Variants in CARS1 observed in about 807,000 individuals in gnomAD.
The protein encoded by CARS1 is cysteinyl-tRNA synthetase 1.
CARS1 carries 48 observed loss-of-function variants against 106.2 expected under a neutral mutation model. That is an observed-to-expected ratio of 0.45 (90% CI 0.36 to 0.57). The LOEUF is 0.57. CARS1 is among the 20% of genes least tolerant of loss of function. The probability of loss-of-function intolerance (pLI) is 0.00; values close to 1 mark genes in which losing one functional copy is unlikely to be tolerated. For missense variants in CARS1, 968 were observed against 1,057.2 expected, an observed-to-expected ratio of 0.92 and a Z score of 1.17; for synonymous variants, 409 against 403.4, an observed-to-expected ratio of 1.01 and a Z score of -0.17.
intron 7 of CARS1, chr11:3,031,482 A>T (rs1852755162): frequency 6.6e-6 from 1 of 152,274 alleles, no homozygotes; most frequent in Non-Finnish European, 1.5e-5. Context: ...ACAGATCAAC[A>T]ATCAAAATGC....
intron 18 of CARS1, chr11:3,007,237 C>A (rs1849969837): frequency 6.0e-6 from 3 of 497,456 alleles, no homozygotes; most frequent in Non-Finnish European, 1.1e-5. Context: ...CAGGAGGAAG[C>A]ATAGCACACT....
rs1022344162 is a variant in CARS1 at position 3,020,081 on chromosome 11, C to A, written c.1266+139G>T. The A allele has an allele frequency of 4.6e-6, 3 of 651,272 alleles. No individual in the cohort carries two copies. The highest frequency in any genetic ancestry group is 2.5e-5 in the Admixed American group (1 of 40,152). The allele number at this position is 651,272 out of a possible 1,614,324, so 40.3% of individuals were successfully genotyped here. A position where few individuals can be genotyped will look rare whatever the true frequency, so the allele number is the denominator to read the frequency against. On this transcript the variant is annotated intron_variant, in intron 11 of 22. Transcript: ENST00000380525. This position sits in a 1 kb window ranked among gnomAD's most constrained non-coding sequence, Gnocchi z 4.6. The stretch of plus-strand genomic sequence containing the variant: ...TGTCCAGGTCCCCGGGGCCAGGCAG[C>A]CTGTGCTGCACCAGCACCAGGCTCT...
Position 3,040,061 on chromosome 11 carries a change from C to A in CARS1, c.456-130G>T, listed in dbSNP as rs1035641269. 2 of 562,242 alleles carry A rather than the reference C, an allele frequency of 3.6e-6. No individual in the cohort carries two copies. Among genetic ancestry groups the A allele is most frequent in the Admixed American group, 3.7e-5 (1 of 26,854 alleles). The allele number at this position is 562,242 out of a possible 1,614,324, so 34.8% of individuals were successfully genotyped here. Reference sequence around the variant, plus strand: ...TCTGCCATCCCTGAAACAGCAAGACCCCCCCTTCTCCTCCTCAGTCTACTC... The same window carrying A: ...TCTGCCATCCCTGAAACAGCAAGACACCCCCTTCTCCTCCTCAGTCTACTC... On this transcript the variant is annotated intron_variant, in intron 4 of 22. Transcript: ENST00000380525. The surrounding 1 kb of genome is among the most constrained non-coding windows in gnomAD (Gnocchi z 5.8).
chr11:3,032,056 C>G (rs868809174), intron 7 of CARS1, among the ~76,000 whole-genome samples: 54 of 11,550 alleles, frequency 4.7e-3, no homozygotes, highest in African/African-American at 0.017. Flanking sequence ...CCCTCCCTCC[C>G]TCCCTCCTTC....
Position 3,039,259 on chromosome 11 carries a change from C to T in CARS1, c.586G>A (p.Glu196Lys), listed in dbSNP as rs746490752. Residue 196 changes from glutamate to lysine, a missense_variant, in exon 6 of 23, where the codon GAG (glutamate) becomes AAG (lysine). Glu to Lys is a moderately conservative substitution (Grantham distance 56, BLOSUM62 1). Coordinates refer to ENST00000380525, the MANE Select transcript of CARS1 (RefSeq NM_001014437.3). The surrounding 1 kb of genome is among the most constrained non-coding windows in gnomAD (Gnocchi z 5.6). ...IKRARQNHLF[E>K]QYREKRPEAA... ...TCAGGCCTCTTCTCCCGATACTGCT[C>T]GAACAGGTGGTTCTGCCGGGCCCTC... The T allele has an allele frequency of 4.3e-6, 7 of 1,613,674 alleles. No individual in the cohort carries two copies. Among genetic ancestry groups the T allele is most frequent in the African/African-American group, 2.7e-5 (2 of 74,890 alleles).
Position 3,048,385 on chromosome 11 carries a change from A to G in CARS1, c.26-384T>C, listed in dbSNP as rs1855327460. On this transcript the variant is annotated intron_variant, in intron 1 of 22. Coordinates refer to ENST00000380525, the MANE Select transcript of CARS1 (RefSeq NM_001014437.3). The surrounding 1 kb of genome is among the most constrained non-coding windows in gnomAD (Gnocchi z 5.1). ...AGGGAAAGCAGGAACACAGTTCCAC[A>G]CCATCACAAATTACACAGTTCAGTT... 1 of 182,026 alleles carries G rather than the reference A, an allele frequency of 5.5e-6. No homozygotes were observed. Among genetic ancestry groups the G allele is most frequent in the Admixed American group, 5.6e-5 (1 of 18,012 alleles). The allele number at this position is 182,026 out of a possible 1,614,324, so 11.3% of individuals were successfully genotyped here.
chr11:3,017,348 A>C lies in CARS1; in HGVS notation c.1728-53T>G. The C allele has an allele frequency of 6.5e-7, 1 of 1,543,590 alleles. No homozygotes were observed. The highest frequency in any genetic ancestry group is 8.9e-7 in the Non-Finnish European group (1 of 1,122,418). ...AGTCAGACCTGAAAACACACCATAGAAATTCCCCATGTGGCCAGGCGCAGT... is the reference window on the plus strand; with the variant it reads ...AGTCAGACCTGAAAACACACCATAGCAATTCCCCATGTGGCCAGGCGCAGT... On this transcript the variant is annotated intron_variant, in intron 15 of 22. Coordinates refer to ENST00000380525, the MANE Select transcript of CARS1 (RefSeq NM_001014437.3). This position sits in a 1 kb window ranked among gnomAD's most constrained non-coding sequence, Gnocchi z 4.9.
At position 3,053,421 on chromosome 11, in the gene CARS1, G is replaced by A. The variant is rs977599630; in HGVS notation, c.25+3922C>T. Among the ~76,000 whole-genome samples the A allele has an allele frequency of 2.0e-5, 3 of 152,034 alleles. No individual in the cohort carries two copies. The highest frequency in any genetic ancestry group is 2.9e-5 in the Non-Finnish European group (2 of 67,986). The stretch of plus-strand genomic sequence containing the variant: ...AATTTTTGTATTTTTAGTAGAGACG[G>A]GGTTTCTACATATTGGCCAGGCTGG... On this transcript the variant is annotated intron_variant, in intron 1 of 22. Transcript: ENST00000380525. This position sits in a 1 kb window ranked among gnomAD's most constrained non-coding sequence, Gnocchi z 6.6.
chr11:3,026,954 G>A (rs541954435), intron 9 of CARS1, 157 bp from the exon 10 acceptor site: 2 of 772,020 alleles, frequency 2.6e-6, no homozygotes, highest in South Asian at 1.9e-5. Context: ...CAGCTGTTTG[G>A]ACTGAGTGGG....
At position 3,012,247 on chromosome 11, in the gene CARS1, C is replaced by T. The variant is rs886902057; in HGVS notation, c.2016G>A (p.Gln672=). The T allele has an allele frequency of 6.2e-7, 1 of 1,614,264 alleles. No homozygotes were observed. The highest frequency in any genetic ancestry group is 1.1e-5 in the South Asian group (1 of 91,088). Residue 672 remains glutamine, a synonymous_variant, in exon 18 of 23, where the codon CAG becomes CAA. Coordinates refer to ENST00000380525, the MANE Select transcript of CARS1 (RefSeq NM_001014437.3). ...CTCCTTCTCGGAATTCTGATAACACCTGAAGGTAGGGCATGACTGTGGCCT... is the reference window on the plus strand; with the variant it reads ...CTCCTTCTCGGAATTCTGATAACACTTGAAGGTAGGGCATGACTGTGGCCT... ...SLEATVMPYL[Q]VLSEFREGVR...
At chr11:3,036,912 A>C (rs1853714484) in intron 7 of CARS1, among the ~76,000 whole-genome samples, 1 of 152,206 alleles carries the variant, frequency 6.6e-6, no homozygotes, top group African/African-American at 2.4e-5. Context: ...GCTGGGCAAA[A>C]TAAACCAGAC....
At position 3,042,146 on chromosome 11, in the gene CARS1, G is replaced by A. The variant is rs1282308986; in HGVS notation, c.366+19C>T. 1.3e-6 allele frequency: 2 copies of A among 1,593,462 alleles called. No homozygotes were observed. The highest frequency in any genetic ancestry group is 1.7e-6 in the Non-Finnish European group (2 of 1,161,668). ...CTCCCCATTGTGTGCGTGTGCCACG[G>A]CATCTGTGTTCTCCTTACCTTGTTC... On this transcript the variant is annotated intron_variant, in intron 3 of 22. Coordinates refer to ENST00000380525, the MANE Select transcript of CARS1 (RefSeq NM_001014437.3).
At chr11:3,012,427 G>A in intron 17 of CARS1, 151 bp from the exon 18 acceptor site, 1 of 673,586 alleles carries the variant, frequency 1.5e-6, no homozygotes. Context: ...CCCAGAGCCT[G>A]GACGCTCTCG....
intron 21 of CARS1, 62 bp downstream of exon 21, chr11:3,002,479 G>T: frequency 4.4e-6 from 7 of 1,604,728 alleles, no homozygotes; most frequent in Non-Finnish European, 6.0e-6. Context: ...AGAGCCACAG[G>T]GCATGGGGTC....
In CARS1 at chr11:3,039,340, G is replaced by A. The variant is rs745399194; in HGVS notation, c.553-48C>T. On this transcript the variant is annotated intron_variant, in intron 5 of 22. Transcript: ENST00000380525. The surrounding 1 kb of genome is among the most constrained non-coding windows in gnomAD (Gnocchi z 5.6). ...GGGGAGTGATGCTTGGATCCCACAT[G>A]CATCCCTCTGCAGCAGGCCACTCTC... 1.8e-6 allele frequency: 2 copies of A among 1,141,932 alleles called. No individual in the cohort carries two copies. The highest frequency in any genetic ancestry group is 1.2e-5 in the South Asian group (1 of 81,200). 70.7% of individuals were successfully genotyped at this position (1,141,932 alleles called of 1,614,324 possible).
In CARS1 at chr11:3,045,542, G is replaced by T. The variant is rs1415349625; in HGVS notation, c.274+2211C>A. ...GCCTCCCAAAGTGCTGGGATTACAG[G>T]AGTGAGCCACCGCGCCGGGCCAAGC... is the stretch of plus-strand genomic sequence containing the variant. On this transcript the variant is annotated intron_variant, in intron 2 of 22. Coordinates refer to ENST00000380525, the MANE Select transcript of CARS1 (RefSeq NM_001014437.3). The surrounding 1 kb of genome is among the most constrained non-coding windows in gnomAD (Gnocchi z 5.6). Among the ~76,000 whole-genome samples the T allele has an allele frequency of 2.0e-5, 3 of 152,234 alleles. No homozygotes were observed. The highest frequency in any genetic ancestry group is 7.2e-5 in the African/African-American group (3 of 41,466).
In CARS1 at chr11:3,008,722, C is replaced by T. The variant is rs1850150530; in HGVS notation, c.2069-1763G>A. The stretch of plus-strand genomic sequence containing the variant: ...AGTTTCAACCTCCCCAGGCAGAGAC[C>T]TAGGGGAACAATGGCCTTTATATTT... On this transcript the variant is annotated intron_variant, in intron 18 of 22. Coordinates refer to ENST00000380525, the MANE Select transcript of CARS1 (RefSeq NM_001014437.3). This position sits in a 1 kb window ranked among gnomAD's most constrained non-coding sequence, Gnocchi z 5.1. The T allele has an allele frequency of 1.3e-5, 2 of 152,204 alleles. No homozygotes were observed. The allele number at this position is 152,204 out of a possible 1,614,324, so 9.4% of individuals were successfully genotyped here.
At chr11:3,055,040 C>G in intron 1 of CARS1, 3 of 692,214 alleles carry the variant, frequency 4.3e-6, no homozygotes, top group Non-Finnish European at 7.9e-6. Context: ...AAAGGAAAAG[C>G]TGTACACCCA....
chr11:3,016,413 C>CG (rs920774935), intron 16 of CARS1, among the ~76,000 whole-genome samples: 3 of 151,612 alleles, frequency 2.0e-5, no homozygotes, highest in Non-Finnish European at 4.4e-5. Context: ...TTAGTAGAGA[C>CG]GGGGTTTCAC....
Sources: allele counts gnomAD v4.1 joint callset (sites outside exome capture counted in the v4.1 genomes callset), GRCh38; gene constraint gnomAD v4.1.1; non-coding constraint Gnocchi (gnomAD v3.1); transcripts MANE v1.5; gene names NCBI Gene and HGNC (gene_info 2026-07-23, HGNC 2026-07-21).